The following PCDH15 variants were observed in gnomAD, a reference collection of about 807,000 sequenced individuals.
PCDH15 encodes protocadherin related 15.
A neutral mutation model predicts 178.5 loss-of-function variants in PCDH15; 129 were observed. That is an observed-to-expected ratio of 0.72 (90% CI 0.63 to 0.84). The LOEUF is 0.84. Ranked by LOEUF, PCDH15 falls within the 40% of genes least tolerant of loss-of-function variation. PCDH15 has a pLI of 0.00. For synonymous variants in PCDH15, 800 were observed against 732.0 expected (o/e 1.09, Z -1.50); for missense variants, 2,230 against 2,099.9 (o/e 1.06, Z -1.21).
At chr10:54,399,773 G>A (rs375989580) in intron 3 of PCDH15, among the ~76,000 whole-genome samples, 21 of 152,082 alleles carry the variant, frequency 1.4e-4, no homozygotes, top group Middle Eastern at 3.4e-3. Context: ...CCACATCCGC[G>A]GGAACAGCAA....
chr10:54,621,487 T>C (rs1401345856), intron 2 of PCDH15, among the ~76,000 whole-genome samples: 1 of 152,028 alleles, frequency 6.6e-6, no homozygotes, highest in African/African-American at 2.4e-5. Flanking sequence ...TGAATTGTCT[T>C]ACCCTCTTAA....
chr10:54,855,388 C>T (rs1311726182), intron 3 of PCDH15, among the ~76,000 whole-genome samples: 2 of 152,138 alleles, frequency 1.3e-5, no homozygotes, highest in African/African-American at 2.4e-5. Flanking sequence ...TGCAGAGGCA[C>T]CTGGGGAGCT....
intron 2 of PCDH15, among the ~76,000 whole-genome samples, chr10:55,580,014 G>T (rs551007330): frequency 1.1e-4 from 17 of 152,068 alleles, no homozygotes; most frequent in Non-Finnish European, 2.4e-4. Flanking sequence ...CTGCCACCAC[G>T]CCTGGCTAAC....
intron 2 of PCDH15, among the ~76,000 whole-genome samples, chr10:54,637,398 T>A (rs1466615345): frequency 6.6e-6 from 1 of 152,024 alleles, no homozygotes; most frequent in Non-Finnish European, 1.5e-5. Flanking sequence ...TGGACAGGAC[T>A]ATATCCCTTC....
intron 2 of PCDH15, among the ~76,000 whole-genome samples, chr10:54,585,042 T>C (rs2091352254): frequency 6.6e-6 from 1 of 152,114 alleles, no homozygotes; most frequent in African/African-American, 2.4e-5. Flanking sequence ...TATAAAGTCT[T>C]CTAAGAACAA....
At chr10:54,520,591 C>T (rs1278499082) in intron 3 of PCDH15, among the ~76,000 whole-genome samples, 66 of 152,014 alleles carry the variant, frequency 4.3e-4, no homozygotes, top group Non-Finnish European at 5.4e-4. Context: ...TGTGGAGAAA[C>T]AGGAACACTT....
At chr10:55,418,246 T>C (rs537065883) in intron 2 of PCDH15, among the ~76,000 whole-genome samples, 8 of 151,930 alleles carry the variant, frequency 5.3e-5, no homozygotes, top group African/African-American at 1.9e-4. Context: ...GTCTTGTTTT[T>C]ATTTTTAGTG....
At chr10:55,364,615 T>C (rs1845308369) in intron 2 of PCDH15, among the ~76,000 whole-genome samples, 1 of 152,170 alleles carries the variant, frequency 6.6e-6, no homozygotes, top group Non-Finnish European at 1.5e-5. Context: ...TTTGTGTCTT[T>C]TGCCTAATTA....
At chr10:55,263,272 G>C (rs1842194652) in intron 1 of PCDH15, among the ~76,000 whole-genome samples, 1 of 152,164 alleles carries the variant, frequency 6.6e-6, no homozygotes, top group Non-Finnish European at 1.5e-5. Context: ...TTTATGGTTT[G>C]AAATGGCTTT....
chr10:54,249,919 C>CTTAT lies in PCDH15; in HGVS notation c.877-12992_877-12989dup, dbSNP rs984840940. Among the ~76,000 whole-genome samples, 13 of 151,742 alleles carry CTTAT rather than the reference C, an allele frequency of 8.6e-5. No homozygotes were observed. In the East Asian group the frequency reaches 1.9e-3, roughly 23 times the overall value. ...TTCCCATTGTATCTTAAATGGATAT[C>CTTAT]TTATTTATTTATTTATTTGAGACAG... On this transcript the variant is annotated intron_variant, in intron 8 of 37. Coordinates refer to ENST00000644397, the MANE Select transcript of PCDH15 (RefSeq NM_001384140.1).
intron 13 of PCDH15, among the ~76,000 whole-genome samples, chr10:54,166,672 T>C (rs1424047447): frequency 6.6e-6 from 1 of 152,220 alleles, no homozygotes; most frequent in Non-Finnish European, 1.5e-5. Flanking sequence ...TTGGACATTA[T>C]AACTGTCAGG....
At chr10:55,081,232 C>G (rs1842033665) in intron 2 of PCDH15, among the ~76,000 whole-genome samples, 1 of 152,130 alleles carries the variant, frequency 6.6e-6, no homozygotes, top group Admixed American at 6.5e-5. Flanking sequence ...TCAGTGTTCT[C>G]TTTTAGATGT....
chr10:54,546,274 T>C (rs925069952), intron 2 of PCDH15, among the ~76,000 whole-genome samples: 3 of 152,236 alleles, frequency 2.0e-5, no homozygotes, highest in African/African-American at 7.2e-5. Flanking sequence ...CATTAAAATA[T>C]ATATTCATGT....
chr10:54,945,461 CTT>C (rs5785103), intron 2 of PCDH15, among the ~76,000 whole-genome samples: 6 of 145,494 alleles, frequency 4.1e-5, no homozygotes, highest in Admixed American at 1.4e-4. Context: ...ATTATTTTGC[CTT>C]TTTTTTTTGG....
chr10:54,213,656 T>C (rs991520428), intron 10 of PCDH15, among the ~76,000 whole-genome samples: 2 of 152,150 alleles, frequency 1.3e-5, no homozygotes, highest in Non-Finnish European at 2.9e-5. Context: ...TTAGAAGACA[T>C]AATGAATTGT....
chr10:54,530,963 C>T (rs1255259365), intron 2 of PCDH15, among the ~76,000 whole-genome samples: 2 of 151,974 alleles, frequency 1.3e-5, no homozygotes, highest in African/African-American at 4.8e-5. Context: ...TTAATAAGAA[C>T]AATTATATTT....
intron 2 of PCDH15, among the ~76,000 whole-genome samples, chr10:54,944,284 G>A (rs1193307225): frequency 6.6e-6 from 1 of 151,940 alleles, no homozygotes; most frequent in African/African-American, 2.4e-5. Flanking sequence ...ATCTGACATT[G>A]ACAAAAATGT....
chr10:55,264,698 G>A (rs935481230), intron 1 of PCDH15, among the ~76,000 whole-genome samples: 3 of 152,098 alleles, frequency 2.0e-5, no homozygotes, highest in Non-Finnish European at 2.9e-5. Flanking sequence ...CTGAACCACT[G>A]GGACTGTTTT....
intron 2 of PCDH15, among the ~76,000 whole-genome samples, chr10:55,470,194 T>C (rs903492436): frequency 6.6e-6 from 1 of 151,860 alleles, no homozygotes; most frequent in African/African-American, 2.4e-5. Context: ...CTACTAAAAA[T>C]ACAAAAATTA....
Sources: gnomAD v4.1 joint callset for allele counts (sites outside exome capture counted in the v4.1 genomes callset) on GRCh38, gnomAD v4.1.1 for gene constraint, MANE v1.5 for transcripts, NCBI Gene and HGNC (gene_info 2026-07-23, HGNC 2026-07-21) for gene names.